The following SULF1 variants were observed in gnomAD, a reference collection of about 807,000 sequenced individuals.
SULF1 encodes the protein extracellular sulfatase Sulf-1.
Under a neutral mutation model 110.5 loss-of-function variants are expected in SULF1, and 46 were observed. The ratio of observed to expected loss-of-function variants is 0.42; its 90% CI spans 0.33 to 0.53. The LOEUF is 0.53. Among genes scored for constraint, SULF1 ranks in the 20% least tolerant of loss-of-function variants. The probability of loss-of-function intolerance (pLI) is 0.12; values close to 1 mark genes in which losing one functional copy is unlikely to be tolerated. For synonymous variants in SULF1, 371 were observed against 387.1 expected, an observed-to-expected ratio of 0.96 and a Z score of 0.49; for missense variants, 941 against 1,094.2, an observed-to-expected ratio of 0.86 and a Z score of 1.98.
intron 15 of SULF1, among the ~76,000 whole-genome samples, chr8:69,624,953 T>C (rs139773173): frequency 6.6e-6 from 1 of 152,346 alleles, no homozygotes; most frequent in Non-Finnish European, 1.5e-5. Context: ...CTGTGTGCTC[T>C]GCCAGGATTT....
At chr8:69,621,012 T>C in intron 13 of SULF1, 23 bp from the exon 14 acceptor site, 1 of 1,574,980 alleles carries the variant, frequency 6.3e-7, no homozygotes, top group African/African-American at 1.4e-5. Flanking sequence ...ATCGGTAAAC[T>C]GCTTTCACGT....
rs377416230 is a variant in SULF1, at chr8:69,576,079, G to A, written c.282G>A (p.Met94Ile). ...TGTGCTGCCCGTCACGGTCCTCCAT[G>A]CTCACCGGGAAGTATGTGCACAATC... ...TPMCCPSRSS[M>I]LTGKYVHNHN... The change falls in exon 6 of 23, where the codon ATG (methionine) becomes ATA (isoleucine). Residue 94 changes from methionine to isoleucine, a missense_variant. This residue lies in a region of SULF1 where 822 missense variants were observed against 934.3 expected (regional missense o/e 0.88). Transcript: ENST00000402687. The A allele has an allele frequency of 2.8e-5, 46 of 1,614,058 alleles. 1 individual carries two copies. The East Asian group carries it at 4.5e-4, about 16-fold the overall frequency.
chr8:69,543,555 G>C (rs967764038), intron 3 of SULF1, among the ~76,000 whole-genome samples: 1 of 152,120 alleles, frequency 6.6e-6, no homozygotes, highest in African/African-American at 2.4e-5. Flanking sequence ...ACATGATCTT[G>C]TTCTTTTTTA....
At chr8:69,588,222 C>G (rs1049990943) in intron 7 of SULF1, among the ~76,000 whole-genome samples, 1 of 152,192 alleles carries the variant, frequency 6.6e-6, no homozygotes, top group African/African-American at 2.4e-5. Flanking sequence ...CATCAGCCCC[C>G]CCTGACTGTG....
chr8:69,558,023 C>T (rs1166553097), intron 3 of SULF1, among the ~76,000 whole-genome samples: 1 of 152,172 alleles, frequency 6.6e-6, no homozygotes, highest in African/African-American at 2.4e-5. Context: ...TGGAGATTAA[C>T]AGTAGGTGAA....
At chr8:69,611,398 C>T (rs577807098) in intron 13 of SULF1, among the ~76,000 whole-genome samples, 1 of 152,322 alleles carries the variant, frequency 6.6e-6, no homozygotes, top group Non-Finnish European at 1.5e-5. Context: ...ACATTTCTCT[C>T]TCTTCTGCTT....
chr8:69,561,553 T>C (rs886425811), intron 3 of SULF1, among the ~76,000 whole-genome samples: 1 of 152,234 alleles, frequency 6.6e-6, no homozygotes, highest in Non-Finnish European at 1.5e-5. Context: ...TGTCAAGAAC[T>C]TTCAGCTTCT....
At chr8:69,640,901 G>A in intron 22 of SULF1, 60 bp downstream of exon 22, 1 of 1,530,782 alleles carries the variant, frequency 6.5e-7, no homozygotes, top group Non-Finnish European at 8.9e-7. Context: ...ATGATCCAGT[G>A]GTTTCAACTA....
chr8:69,589,708 G>A (rs1435775852), intron 8 of SULF1, among the ~76,000 whole-genome samples: 2 of 152,122 alleles, frequency 1.3e-5, no homozygotes, highest in African/African-American at 2.4e-5. Context: ...GGAGATGGGG[G>A]GTGGGAAGGC....
At chr8:69,494,963 C>T (rs1248053870) in intron 1 of SULF1, among the ~76,000 whole-genome samples, 1 of 151,070 alleles carries the variant, frequency 6.6e-6, no homozygotes, top group Non-Finnish European at 1.5e-5. Flanking sequence ...TGTAGGTGGA[C>T]AATAGGGCGC....
At chr8:69,635,778 C>G (rs922427277) in intron 19 of SULF1, among the ~76,000 whole-genome samples, 35 of 151,956 alleles carry the variant, frequency 2.3e-4, no homozygotes, top group African/African-American at 6.5e-4. Context: ...GCTGAACTGA[C>G]AGGATCACTT....
At chr8:69,621,548 T>C (rs927130709) in intron 14 of SULF1, among the ~76,000 whole-genome samples, 5 of 152,252 alleles carry the variant, frequency 3.3e-5, no homozygotes, top group African/African-American at 9.6e-5. Context: ...GTAAAGGATA[T>C]GGTTTAAGTC....
At chr8:69,571,113 A>G (rs1805198834) in intron 5 of SULF1, among the ~76,000 whole-genome samples, 1 of 152,258 alleles carries the variant, frequency 6.6e-6, no homozygotes, top group African/African-American at 2.4e-5. Context: ...ACCAATATCA[A>G]CATTTTAAGT....
chr8:69,628,179 A>G lies in SULF1; in HGVS notation c.2051A>G (p.Asn684Ser), dbSNP rs898775255. ...AATCTTCTCTCCTGCAGCTATTACA[A>G]TAAAGAGAAAGGTGTAAAAAAGCAA... ...ECSCSKQSYY[N>S]KEKGVKKQEK... Residue 684 changes from asparagine to serine, a missense_variant, in exon 18 of 23, where the codon AAT becomes AGT. Physicochemically the swap from Asn to Ser is conservative, Grantham distance 46. Around this residue, in one of 3 missense-constraint regions of SULF1, gnomAD observed 822 missense variants for 934.3 expected, o/e 0.88. Transcript: ENST00000402687. The G allele has an allele frequency of 3.1e-6, 5 of 1,613,222 alleles. No individual in the cohort carries two copies. In the Admixed American group the frequency reaches 5.0e-5, roughly 16 times the overall value.
At chr8:69,629,259 C>T (rs1408637232) in intron 18 of SULF1, among the ~76,000 whole-genome samples, 4 of 152,142 alleles carry the variant, frequency 2.6e-5, no homozygotes, top group African/African-American at 9.7e-5. Context: ...ATCTCAAACT[C>T]GTGACCTCAA....
chr8:69,494,600 CT>C (rs1462009380), intron 1 of SULF1, among the ~76,000 whole-genome samples: 1 of 152,270 alleles, frequency 6.6e-6, no homozygotes. Context: ...AAATTCTATA[CT>C]TTACCTAATT....
In SULF1 at chr8:69,621,131, C is replaced by G; in HGVS notation, c.1474C>G (p.Leu492Val). Residue 492 changes from leucine (L) to valine (V), a missense_variant, in exon 14 of 23, where the codon CTC becomes GTC. This residue lies in a region of SULF1 where 822 missense variants were observed against 934.3 expected (regional missense o/e 0.88). Coordinates refer to ENST00000402687, the MANE Select transcript of SULF1 (RefSeq NM_001128205.2). ...LLTVRQSTRNLYARGFHDKDK... is the reference protein window; with the variant it reads ...LLTVRQSTRNVYARGFHDKDK... ...CACAGTCCGGCAGAGCACGCGGAACCTCTACGCTCGCGGCTTCCATGACAA... is the reference window on the plus strand; with the variant it reads ...CACAGTCCGGCAGAGCACGCGGAACGTCTACGCTCGCGGCTTCCATGACAA... 1 of 1,614,138 alleles carries G rather than the reference C, an allele frequency of 6.2e-7. No individual in the cohort carries two copies. The highest frequency in any genetic ancestry group is 8.5e-7 in the Non-Finnish European group (1 of 1,180,014).
chr8:69,508,036 A>G (rs780973906), intron 3 of SULF1, among the ~76,000 whole-genome samples: 105 of 152,320 alleles, frequency 6.9e-4, no homozygotes, highest in Non-Finnish European at 1.4e-3. Flanking sequence ...AGTAAACCTC[A>G]GGGATTCCTG....
In SULF1 at chr8:69,523,298, A is replaced by G. The variant is rs140769372; in HGVS notation, c.-134+21330A>G. 1.1e-4 allele frequency among the ~76,000 whole-genome samples: 17 copies of G among 152,284 alleles called. 1 individual carries two copies. Among genetic ancestry groups the G allele is most frequent in the South Asian group, 8.3e-4 (4 of 4,832 alleles). On this transcript the variant is annotated intron_variant, in intron 3 of 22. Transcript: ENST00000402687. ...GGGAGACCTGTGGAAGTTCTCCTCCAGTTGCTTCTATTTCCCCAGTGAAGT... is the reference window on the plus strand; with the variant it reads ...GGGAGACCTGTGGAAGTTCTCCTCCGGTTGCTTCTATTTCCCCAGTGAAGT...
Sources: allele counts gnomAD v4.1 joint callset (sites outside exome capture counted in the v4.1 genomes callset), GRCh38; gene constraint gnomAD v4.1.1; regional missense constraint gnomAD v4.1.1; transcripts MANE v1.5; gene names NCBI Gene and HGNC (gene_info 2026-07-23, HGNC 2026-07-21).